The following CHSY3 variants were observed in gnomAD, a reference collection of about 807,000 sequenced individuals.
CHSY3 encodes the protein N-acetylgalactosaminyl-proteoglycan 3-beta-glucuronosyltransferase 3.
In CHSY3, 35 loss-of-function variants were observed where a neutral mutation model predicts 67.2. The ratio of observed to expected loss-of-function variants is 0.52; its 90% CI spans 0.40 to 0.69. The LOEUF (loss-of-function observed/expected upper bound fraction) is 0.69, where lower values mean the gene tolerates loss of function less well. Ranked by LOEUF, CHSY3 falls within the 30% of genes least tolerant of loss-of-function variation. The pLI is 0.00. For missense variants in CHSY3, 1,069 were observed against 1,138.5 expected (o/e 0.94, Z 0.88); for synonymous variants, 474 against 434.7 (o/e 1.09, Z -1.12).
chr5:130,159,038 G>T (rs1030006807), intron 2 of CHSY3, among the ~76,000 whole-genome samples: 1 of 152,036 alleles, frequency 6.6e-6, no homozygotes, highest in Non-Finnish European at 1.5e-5. Context: ...GAGTGCAAGC[G>T]ATCTGCCTGC....
At chr5:130,116,688 A>T (rs763182414) in intron 2 of CHSY3, among the ~76,000 whole-genome samples, 6 of 152,148 alleles carry the variant, frequency 3.9e-5, no homozygotes, top group Non-Finnish European at 8.8e-5. Context: ...ATCTTGTGAG[A>T]TCCCACAGAG....
At chr5:130,148,484 A>G (rs1204690519) in intron 2 of CHSY3, among the ~76,000 whole-genome samples, 7 of 152,262 alleles carry the variant, frequency 4.6e-5, no homozygotes, top group South Asian at 2.1e-4. Flanking sequence ...GTTTTCCACA[A>G]TGGTTAAAGC....
chr5:130,130,934 C>A lies in CHSY3; in HGVS notation c.1087-53295C>A, dbSNP rs567454560. Among the ~76,000 whole-genome samples, 3 of 152,264 alleles carry A rather than the reference C, an allele frequency of 2.0e-5. No individual in the cohort carries two copies. The East Asian group carries it at 5.8e-4, about 29-fold the overall frequency. On this transcript the variant is annotated intron_variant, in intron 2 of 2. Transcript: ENST00000305031. The stretch of plus-strand genomic sequence containing the variant: ...TTCATGATTCTATCTGGGTATGATT[C>A]TCCATAACCTCAGGATTCCCTGATC...
chr5:130,100,505 A>G (rs1467719395), intron 2 of CHSY3, among the ~76,000 whole-genome samples: 1 of 152,108 alleles, frequency 6.6e-6, no homozygotes, highest in Non-Finnish European at 1.5e-5. Flanking sequence ...ATGCTCATAC[A>G]CACCTATTTA....
intron 2 of CHSY3, among the ~76,000 whole-genome samples, chr5:130,106,237 T>A (rs1767410626): frequency 6.6e-6 from 1 of 151,780 alleles, no homozygotes; most frequent in Non-Finnish European, 1.5e-5. Context: ...AGCTCTGCAG[T>A]GAGGTAAGTG....
chr5:130,172,505 A>G (rs978074428), intron 2 of CHSY3, among the ~76,000 whole-genome samples: 4 of 151,426 alleles, frequency 2.6e-5, no homozygotes, highest in African/African-American at 9.7e-5. Context: ...TAATTTTTCT[A>G]TGTTTTGTAG....
intron 2 of CHSY3, among the ~76,000 whole-genome samples, chr5:130,117,395 C>G (rs1767845500): frequency 6.6e-6 from 1 of 152,146 alleles, no homozygotes; most frequent in African/African-American, 2.4e-5. Context: ...CAAAGAAGTT[C>G]CATTTGAGAT....
chr5:129,907,858 AC>A (rs1459300490), intron 1 of CHSY3, among the ~76,000 whole-genome samples: 1 of 152,166 alleles, frequency 6.6e-6, no homozygotes, highest in African/African-American at 2.4e-5. Flanking sequence ...TTTTTCAGTG[AC>A]CTTAACCAGA....
chr5:130,087,238 G>A (rs1033283196), intron 2 of CHSY3, among the ~76,000 whole-genome samples: 5 of 151,786 alleles, frequency 3.3e-5, no homozygotes, highest in African/African-American at 4.8e-5. Context: ...AGAGCTATCT[G>A]TGACAAACCC....
At chr5:129,913,904 A>C (rs1447128681) in intron 2 of CHSY3, among the ~76,000 whole-genome samples, 2 of 152,234 alleles carry the variant, frequency 1.3e-5, no homozygotes, top group Non-Finnish European at 1.5e-5. Context: ...AGTTTCTTAA[A>C]GTCTGTAAAC....
chr5:130,108,698 C>T (rs965835944), intron 2 of CHSY3, among the ~76,000 whole-genome samples: 1 of 151,598 alleles, frequency 6.6e-6, no homozygotes, highest in Admixed American at 6.6e-5. Context: ...AAAGTTTTTA[C>T]AGCATTTAAA....
chr5:130,137,238 A>G (rs1227227944), intron 2 of CHSY3, among the ~76,000 whole-genome samples: 4 of 152,286 alleles, frequency 2.6e-5, no homozygotes, highest in African/African-American at 9.6e-5. Flanking sequence ...GTCGTTTTCC[A>G]TGCTATTTAA....
At chr5:130,096,899 A>G (rs1033025531) in intron 2 of CHSY3, among the ~76,000 whole-genome samples, 1 of 152,204 alleles carries the variant, frequency 6.6e-6, no homozygotes. Flanking sequence ...TCTTATCCTT[A>G]TAGTATTAAC....
At chr5:130,105,224 C>G (rs1184466836) in intron 2 of CHSY3, among the ~76,000 whole-genome samples, 2 of 151,620 alleles carry the variant, frequency 1.3e-5, no homozygotes, top group Non-Finnish European at 3.0e-5. Flanking sequence ...CTCTCTTCCC[C>G]TGAAAATAAT....
intron 2 of CHSY3, among the ~76,000 whole-genome samples, chr5:130,069,056 GGTT>G (rs1449188986): frequency 2.0e-5 from 3 of 151,928 alleles, no homozygotes; most frequent in Non-Finnish European, 4.4e-5. Context: ...GGTTACCCAG[GGTT>G]CAATTACCTG....
chr5:129,920,807 CCAT>C lies in CHSY3; in HGVS notation c.1086+12448_1086+12450del, dbSNP rs534812918. 2.1e-3 allele frequency among the ~76,000 whole-genome samples: 317 copies of C among 151,646 alleles called. 1 individual carries two copies. Among genetic ancestry groups the C allele is most frequent in the African/African-American group, 6.5e-3 (268 of 41,106 alleles). On this transcript the variant is annotated intron_variant, in intron 2 of 2. Coordinates refer to ENST00000305031, the MANE Select transcript of CHSY3 (RefSeq NM_175856.5). ...CTTACATTAGACCTTAGCAACCCCA[CCAT>C]AAGATTTTTTTTTTTCTTTTTTATT...
intron 2 of CHSY3, among the ~76,000 whole-genome samples, chr5:129,917,326 A>G (rs955690630): frequency 3.3e-5 from 5 of 152,128 alleles, no homozygotes; most frequent in Non-Finnish European, 5.9e-5. Flanking sequence ...GGTGTAGAAC[A>G]ATAGGCCTTC....
chr5:130,043,233 A>G (rs1031588025), intron 2 of CHSY3, among the ~76,000 whole-genome samples: 1 of 152,082 alleles, frequency 6.6e-6, no homozygotes, highest in African/African-American at 2.4e-5. Context: ...ATTTATTGTC[A>G]AATACATAAT....
intron 2 of CHSY3, among the ~76,000 whole-genome samples, chr5:130,162,333 T>C (rs567475607): frequency 6.6e-6 from 1 of 152,274 alleles, no homozygotes; most frequent in East Asian, 1.9e-4. Flanking sequence ...ATACAAGCAT[T>C]GTACATTTGA....
Sources: gnomAD v4.1 joint callset for allele counts (sites outside exome capture counted in the v4.1 genomes callset) on GRCh38, gnomAD v4.1.1 for gene constraint, MANE v1.5 for transcripts, NCBI Gene and HGNC (gene_info 2026-07-23, HGNC 2026-07-21) for gene names.